Variants in CASP10 observed in about 807,000 individuals in gnomAD.
The protein encoded by CASP10 is caspase 10, also known as caspase-10.
In CASP10, 41 loss-of-function variants were observed where a neutral mutation model predicts 48.5. The observed-to-expected ratio is 0.85, with a 90% confidence interval of 0.66 to 1.10. CASP10 has a LOEUF of 1.10. Among genes scored for constraint, CASP10 ranks in the 50% least tolerant of loss-of-function variants. CASP10 has a pLI of 0.00. For missense variants in CASP10, 614 were observed against 614.5 expected (o/e 1.00, Z 0.01); for synonymous variants, 232 against 238.4 (o/e 0.97, Z 0.25).
chr2:201,226,669 G>A (rs1479249168), intron 9 of CASP10, among the ~76,000 whole-genome samples: 1 of 146,032 alleles, frequency 6.8e-6, no homozygotes, highest in African/African-American at 2.6e-5. Context: ...AGTTTTCTGA[G>A]CAGCATTGTT....
At chr2:201,228,157 G>A (rs1453663013) in intron 9 of CASP10, among the ~76,000 whole-genome samples, 1 of 152,124 alleles carries the variant, frequency 6.6e-6, no homozygotes, top group African/African-American at 2.4e-5. Context: ...CCAACATGGT[G>A]AAACCCTGTC....
At position 201,187,709 on chromosome 2, in the gene CASP10, C is replaced by A; in HGVS notation, c.351C>A (p.Asn117Lys). 3 of 1,613,098 alleles carry A rather than the reference C, an allele frequency of 1.9e-6. No individual in the cohort carries two copies. The highest frequency in any genetic ancestry group is 2.5e-6 in the Non-Finnish European group (3 of 1,179,098). The stretch of plus-strand genomic sequence containing the variant: ...TCATTTTGGGTGTGTGTCTTAGAAA[C>A]CTGCTCTACGAACTGTCAGAAGGCA... ...PTRQRVSLFR[N>K]LLYELSEGID... Residue 117 changes from asparagine to lysine, a missense_variant, in exon 3 of 10, where the codon AAC becomes AAA. By Grantham distance (94) the Asn-to-Lys change is moderately conservative. Transcript: ENST00000286186.
intron 9 of CASP10, among the ~76,000 whole-genome samples, chr2:201,211,684 G>A (rs150900669): frequency 2.0e-4 from 31 of 152,272 alleles, no homozygotes; most frequent in African/African-American, 7.2e-4. Context: ...TAAACTGGGA[G>A]TGCAGATATC....
At chr2:201,206,278 T>C in intron 7 of CASP10, 1 of 234,076 alleles carries the variant, frequency 4.3e-6, no homozygotes, top group Non-Finnish European at 8.5e-6. Context: ...TCTTATCCAT[T>C]GAAGCCACTT....
intron 2 of CASP10, among the ~76,000 whole-genome samples, chr2:201,187,223 G>A (rs1944445610): frequency 6.6e-6 from 1 of 152,144 alleles, no homozygotes; most frequent in South Asian, 2.1e-4. Flanking sequence ...CTGACACATA[G>A]GGGTGTTAGT....
At chr2:201,223,042 C>T (rs1267540309), downstream of CASP10, among the ~76,000 whole-genome samples, 1 of 152,158 alleles carries the variant, frequency 6.6e-6, no homozygotes, top group Non-Finnish European at 1.5e-5. Context: ...TTTTTAAGTG[C>T]TTTAATTCTT....
In CASP10 at chr2:201,218,205, GCCA is replaced by G; in HGVS notation, c.*469_*471del. ...CAAAATACTGGGATTATAGGCACGA[GCCA>G]CCACACCTGGCCAGAAAACTTTCAT... On this transcript the variant is annotated 3_prime_UTR_variant, in exon 10 of 10. Coordinates refer to ENST00000286186, the MANE Select transcript of CASP10 (RefSeq NM_032977.4). 1 of 1,017,486 alleles carries G rather than the reference GCCA, an allele frequency of 9.8e-7. No homozygotes were observed. Among genetic ancestry groups the G allele is most frequent in the Non-Finnish European group, 1.2e-6 (1 of 849,174 alleles). The allele number at this position is 1,017,486 out of a possible 1,614,324, so 63.0% of individuals were successfully genotyped here. A position where few individuals can be genotyped will look rare whatever the true frequency, so the allele number is the denominator to read the frequency against.
downstream of CASP10, among the ~76,000 whole-genome samples, chr2:201,225,029 AC>A (rs1465575347): frequency 2.0e-5 from 3 of 152,232 alleles, no homozygotes; most frequent in East Asian, 5.8e-4. Context: ...TGTCATTACT[AC>A]CATCTGTACT....
intron 9 of CASP10, among the ~76,000 whole-genome samples, chr2:201,215,613 G>A (rs1215346925): frequency 6.6e-6 from 1 of 152,096 alleles, no homozygotes; most frequent in African/African-American, 2.4e-5. Context: ...ATTGATCTAT[G>A]TGTCTGTTTT....
intron 1 of CASP10, among the ~76,000 whole-genome samples, chr2:201,184,589 G>T (rs1036130319): frequency 6.6e-6 from 1 of 152,228 alleles, no homozygotes; most frequent in Non-Finnish European, 1.5e-5. Context: ...CTCCCAAAGT[G>T]CTGGGATTAT....
rs557475496 is a variant in CASP10 at position 201,190,544 on chromosome 2, C to T, written c.442-2440C>T. On this transcript the variant is annotated intron_variant, in intron 3 of 9. Transcript: ENST00000286186. ...GAGGAGATTCCTGTAGTTTGACAAGCGCTCCAGGTGGTTTTCATAACATTC... is the reference window on the plus strand; with the variant it reads ...GAGGAGATTCCTGTAGTTTGACAAGTGCTCCAGGTGGTTTTCATAACATTC... Among the ~76,000 whole-genome samples the T allele has an allele frequency of 1.1e-4, 17 of 152,160 alleles. No homozygotes were observed. In the South Asian group the frequency reaches 1.9e-3, roughly 17 times the overall value.
chr2:201,198,226 T>C (rs1267073701), intron 5 of CASP10, among the ~76,000 whole-genome samples: 1 of 139,810 alleles, frequency 7.2e-6, no homozygotes, highest in African/African-American at 2.7e-5. Context: ...TTTTTAATTC[T>C]TTTTTTTTTT....
chr2:201,216,428 A>G (rs954500151), intron 9 of CASP10, among the ~76,000 whole-genome samples: 2 of 152,172 alleles, frequency 1.3e-5, no homozygotes, highest in Admixed American at 6.5e-5. Context: ...AAACAGGATA[A>G]TGGTAGTTTC....
intron 3 of CASP10, 86 bp from the exon 4 acceptor site, chr2:201,192,898 C>A: frequency 7.2e-7 from 1 of 1,391,172 alleles, no homozygotes; most frequent in South Asian, 1.2e-5. Flanking sequence ...AGTGCAAAAC[C>A]TAGTGCCTAC....
At position 201,220,129 on chromosome 2, in the gene CASP10, A is replaced by G; in HGVS notation, c.*2388A>G. 1 of 985,466 alleles carries G rather than the reference A, an allele frequency of 1.0e-6. No homozygotes were observed. The highest frequency in any genetic ancestry group is 1.2e-6 in the Non-Finnish European group (1 of 829,922). The allele number at this position is 985,466 out of a possible 1,614,324, so 61.0% of individuals were successfully genotyped here. A position where few individuals can be genotyped will look rare whatever the true frequency, so the allele number is the denominator to read the frequency against. ...ATCTCTGATTGTCATGTGGATTTGA[A>G]TGTAGCTTGACAGAGGGAATGTCTA... On this transcript the variant is annotated 3_prime_UTR_variant, in exon 10 of 10. Transcript: ENST00000286186.
chr2:201,215,738 G>C (rs1317298120), intron 9 of CASP10, among the ~76,000 whole-genome samples: 2 of 152,022 alleles, frequency 1.3e-5, no homozygotes, highest in Non-Finnish European at 2.9e-5. Flanking sequence ...ACTATTTGGG[G>C]TCTTTTGTGG....
At chr2:201,184,759 G>A (rs1275546903) in intron 1 of CASP10, among the ~76,000 whole-genome samples, 2 of 152,058 alleles carry the variant, frequency 1.3e-5, no homozygotes, top group African/African-American at 4.8e-5. Context: ...CTCTGATTAT[G>A]ATGAAATTTA....
chr2:201,227,327 A>G (rs1945801007), intron 9 of CASP10, among the ~76,000 whole-genome samples: 1 of 152,126 alleles, frequency 6.6e-6, no homozygotes, highest in Admixed American at 6.5e-5. Context: ...TTTCCAATCT[A>G]GTAACTGTCT....
intron 4 of CASP10, among the ~76,000 whole-genome samples, chr2:201,194,381 C>G (rs1262807032): frequency 2.6e-5 from 4 of 152,018 alleles, no homozygotes; most frequent in Non-Finnish European, 5.9e-5. Context: ...ATGAAACTAG[C>G]TAAGAGGAAA....
Sources: gnomAD v4.1 joint callset for allele counts (sites outside exome capture counted in the v4.1 genomes callset) on GRCh38, gnomAD v4.1.1 for gene constraint, MANE v1.5 for transcripts, NCBI Gene and HGNC (gene_info 2026-07-23, HGNC 2026-07-21) for gene names.